Variants in C10orf53 observed in about 807,000 individuals in gnomAD.
The protein encoded by C10orf53 is UPF0728 protein C10orf53.
In C10orf53, 8 loss-of-function variants were observed where a neutral mutation model predicts 9.4. That is an observed-to-expected ratio of 0.85 (90% CI 0.50 to 1.53). The LOEUF is 1.53. Among genes scored for constraint, C10orf53 ranks in the 40% most tolerant of loss-of-function variants. The pLI is 0.00. For missense variants in C10orf53, 117 were observed against 117.8 expected, an observed-to-expected ratio of 0.99 and a Z score of 0.03; for synonymous variants, 48 against 46.0, an observed-to-expected ratio of 1.04 and a Z score of -0.18.
downstream of C10orf53, among the ~76,000 whole-genome samples, chr10:49,698,641 G>T (rs1840656120): frequency 6.6e-6 from 1 of 152,190 alleles, no homozygotes; most frequent in Non-Finnish European, 1.5e-5. Flanking sequence ...GAAAGTGCTA[G>T]CCCAGGTCTC....
At chr10:49,687,197 G>T (rs1465350860) in intron 1 of C10orf53, among the ~76,000 whole-genome samples, 1 of 152,142 alleles carries the variant, frequency 6.6e-6, no homozygotes, top group East Asian at 1.9e-4. Flanking sequence ...CTGCTGTTTT[G>T]CTGACATAAG....
At chr10:49,701,053 A>G (rs1406672093), downstream of C10orf53, among the ~76,000 whole-genome samples, 2 of 152,124 alleles carry the variant, frequency 1.3e-5, no homozygotes, top group Non-Finnish European at 2.9e-5. Context: ...CTTTATTGAC[A>G]TATCTATTTA....
At position 49,694,486 on chromosome 10, in the gene C10orf53, T is replaced by C. The variant is rs1590644496; in HGVS notation, c.218-52T>C. 3.1e-6 allele frequency: 5 copies of C among 1,609,854 alleles called. No individual in the cohort carries two copies. In the East Asian group the frequency reaches 1.1e-4, roughly 36 times the overall value. ...GAAGCCATAGGTATGTCTGATATGA[T>C]AACAAATTGTATATAAAGCTAACCA... On this transcript the variant is annotated intron_variant, in intron 2 of 2. Transcript: ENST00000374111.
At chr10:49,692,263 C>T (rs1424424544) in intron 1 of C10orf53, among the ~76,000 whole-genome samples, 1 of 152,194 alleles carries the variant, frequency 6.6e-6, no homozygotes, top group African/African-American at 2.4e-5. Context: ...TTTTTAGAGA[C>T]GCATTAGCTG....
At position 49,694,726 on chromosome 10, in the gene C10orf53, C is replaced by T; in HGVS notation, c.*124C>T. 1 of 1,506,496 alleles carries T rather than the reference C, an allele frequency of 6.6e-7. No homozygotes were observed. Among genetic ancestry groups the T allele is most frequent in the Non-Finnish European group, 8.9e-7 (1 of 1,126,654 alleles). 93.3% of individuals were successfully genotyped at this position (1,506,496 alleles called of 1,614,324 possible). ...GGCTCTGCTAGTCAGAACAGGGCAA[C>T]TCGGGCCTGACCTCCAGCTTACGCA... On this transcript the variant is annotated 3_prime_UTR_variant, in exon 3 of 3. Transcript: ENST00000374111.
At chr10:49,689,752 T>A (rs1840564166) in intron 1 of C10orf53, among the ~76,000 whole-genome samples, 1 of 152,116 alleles carries the variant, frequency 6.6e-6, no homozygotes, top group African/African-American at 2.4e-5. Context: ...CAAAGCATTG[T>A]CCTGAATGCC....
At chr10:49,708,754 A>G (rs1249742379) in exon 3 of C10orf53, 2 of 1,339,542 alleles carry the variant, frequency 1.5e-6, no homozygotes, top group Admixed American at 2.7e-5. Flanking sequence ...CTCTCCAGCT[A>G]GATGTCCCAC....
In C10orf53 at chr10:49,694,722, G is replaced by A; in HGVS notation, c.*120G>A. 2 of 1,524,462 alleles carry A rather than the reference G, an allele frequency of 1.3e-6. No individual in the cohort carries two copies. The highest frequency in any genetic ancestry group is 1.3e-5 in the South Asian group (1 of 79,154). The allele number at this position is 1,524,462 out of a possible 1,614,324, so 94.4% of individuals were successfully genotyped here. A position where few individuals can be genotyped will look rare whatever the true frequency, so the allele number is the denominator to read the frequency against. ...ACTGGGCTCTGCTAGTCAGAACAGG[G>A]CAACTCGGGCCTGACCTCCAGCTTA... On this transcript the variant is annotated 3_prime_UTR_variant, in exon 3 of 3. Coordinates refer to ENST00000374111, the MANE Select transcript of C10orf53 (RefSeq NM_001042427.3).
chr10:49,702,846 A>G (rs1291465632), intron 2 of C10orf53, among the ~76,000 whole-genome samples: 2 of 152,198 alleles, frequency 1.3e-5, no homozygotes, highest in African/African-American at 4.8e-5. Context: ...CCCTGACTCC[A>G]ACTACCTCTA....
chr10:49,708,353 G>A (rs745450949), intron 2 of C10orf53: 2 of 1,613,110 alleles, frequency 1.2e-6, no homozygotes, highest in Non-Finnish European at 1.7e-6. Context: ...TGTTGTCTTT[G>A]TTCTCAGGCA....
At chr10:49,699,902 G>GC (rs1056353778), downstream of C10orf53, among the ~76,000 whole-genome samples, 2 of 151,720 alleles carry the variant, frequency 1.3e-5, no homozygotes, top group South Asian at 2.1e-4. Flanking sequence ...CATCCCCCCC[G>GC]AGATCAGGTT....
In C10orf53 at chr10:49,696,033, A is replaced by G. The variant is rs542264613; in HGVS notation, c.*1431A>G. 9.2e-5 allele frequency: 14 copies of G among 152,258 alleles called. No individual in the cohort carries two copies. Among genetic ancestry groups the G allele is most frequent in the Admixed American group, 2.0e-4 (3 of 15,288 alleles). 9.4% of individuals were successfully genotyped at this position (152,258 alleles called of 1,614,324 possible). A position where few individuals can be genotyped will look rare whatever the true frequency, so the allele number is the denominator to read the frequency against. On this transcript the variant is annotated 3_prime_UTR_variant, in exon 3 of 3. Coordinates refer to ENST00000374111, the MANE Select transcript of C10orf53 (RefSeq NM_001042427.3). ...ACAGGTAAAAATAAAGTACAACTTTAGTAACATTTTTATATATTTCAATTT... is the reference window on the plus strand; with the variant it reads ...ACAGGTAAAAATAAAGTACAACTTTGGTAACATTTTTATATATTTCAATTT...
At chr10:49,698,135 A>G (rs539300322), downstream of C10orf53, among the ~76,000 whole-genome samples, 1 of 152,212 alleles carries the variant, frequency 6.6e-6, no homozygotes, top group East Asian at 1.9e-4. Context: ...TACAAAAAGT[A>G]AAAAATTAGC....
At chr10:49,708,389 G>A in exon 3 of C10orf53, 4 of 1,614,090 alleles carry the variant, frequency 2.5e-6, no homozygotes, top group Non-Finnish European at 3.4e-6. Flanking sequence ...GTGACAAGAG[G>A]ACCACCAGCA....
At chr10:49,692,484 A>T (rs1382227051) in intron 1 of C10orf53, among the ~76,000 whole-genome samples, 1 of 152,250 alleles carries the variant, frequency 6.6e-6, no homozygotes, top group African/African-American at 2.4e-5. Context: ...TTGTCTCTGT[A>T]ATTAAATGCA....
At chr10:49,698,384 C>T (rs1193857308), downstream of C10orf53, among the ~76,000 whole-genome samples, 1 of 152,194 alleles carries the variant, frequency 6.6e-6, no homozygotes, top group Non-Finnish European at 1.5e-5. Flanking sequence ...GCTGGGACAT[C>T]TCAGTGGTGT....
chr10:49,680,959 C>G (rs1447922531), intron 1 of C10orf53, among the ~76,000 whole-genome samples: 1 of 152,168 alleles, frequency 6.6e-6, no homozygotes, highest in African/African-American at 2.4e-5. Context: ...TACAGATAGT[C>G]CCCAACTTAG....
At chr10:49,706,900 T>C (rs1158494264) in intron 2 of C10orf53, among the ~76,000 whole-genome samples, 3 of 152,234 alleles carry the variant, frequency 2.0e-5, no homozygotes, top group Non-Finnish European at 4.4e-5. Flanking sequence ...AGTGTGTGCA[T>C]ACTCATTTGC....
chr10:49,708,292 A>G (rs1328580320), intron 2 of C10orf53: 26 of 1,572,238 alleles, frequency 1.7e-5, no homozygotes, highest in Non-Finnish European at 2.2e-5. Context: ...ATGAGTGTTC[A>G]GTCGACAACA....
Sources: allele counts gnomAD v4.1 joint callset (sites outside exome capture counted in the v4.1 genomes callset), GRCh38; gene constraint gnomAD v4.1.1; transcripts MANE v1.5; gene names NCBI Gene and HGNC (gene_info 2026-07-23, HGNC 2026-07-21).